NUP93: variants seen among roughly 807,000 people sequenced by gnomAD.
The protein encoded by NUP93 is nucleoporin 93.
A neutral mutation model predicts 107.8 loss-of-function variants in NUP93; 55 were observed. The ratio of observed to expected loss-of-function variants is 0.51; its 90% CI spans 0.41 to 0.64. The LOEUF (loss-of-function observed/expected upper bound fraction) is 0.64, where lower values mean the gene tolerates loss of function less well. NUP93 is among the 30% of genes least tolerant of loss of function. The pLI, the probability that NUP93 is intolerant of heterozygous loss-of-function variation, is 0.00. For missense variants in NUP93, 937 were observed against 1,044.7 expected (o/e 0.90, Z 1.42); for synonymous variants, 390 against 397.5 (o/e 0.98, Z 0.22).
At chr16:56,738,164 A>G (rs1961642320) in intron 1 of NUP93, among the ~76,000 whole-genome samples, 1 of 152,220 alleles carries the variant, frequency 6.6e-6, no homozygotes. Flanking sequence ...GCAGGCCCTT[A>G]GAGATCACCT....
At chr16:56,770,266 C>T (rs1457738033) in intron 3 of NUP93, among the ~76,000 whole-genome samples, 5 of 152,196 alleles carry the variant, frequency 3.3e-5, no homozygotes, top group African/African-American at 7.2e-5. Context: ...TAGAATCTAG[C>T]TGAAGGGCTG....
At chr16:56,748,802 A>G (rs769740322) in intron 2 of NUP93, among the ~76,000 whole-genome samples, 4 of 152,184 alleles carry the variant, frequency 2.6e-5, no homozygotes, top group Non-Finnish European at 5.9e-5. Flanking sequence ...TTTTACCTTC[A>G]AAGCTAGAGA....
rs978052169 is a variant in NUP93, at chr16:56,812,641, C to G, written c.490-6023C>G. 2.0e-5 allele frequency among the ~76,000 whole-genome samples: 3 copies of G among 152,034 alleles called. No homozygotes were observed. In the East Asian group the frequency reaches 5.8e-4, roughly 29 times the overall value. On this transcript the variant is annotated intron_variant, in intron 5 of 21. Coordinates refer to ENST00000308159, the MANE Select transcript of NUP93 (RefSeq NM_014669.5). ...TACAGGTGTGAGCCACTGTGTCCGC[C>G]CCCCTAGCAAGTTTTAATAAAGGAA... is the stretch of plus-strand genomic sequence containing the variant.
intron 9 of NUP93, among the ~76,000 whole-genome samples, chr16:56,830,037 C>A (rs1486670360): frequency 6.6e-6 from 1 of 152,130 alleles, no homozygotes; most frequent in Admixed American, 6.5e-5. Flanking sequence ...CTCTCAGATC[C>A]CCAGTGCCCA....
At chr16:56,794,090 G>GTAGATAGATAGATAGA (rs369592998) in intron 3 of NUP93, among the ~76,000 whole-genome samples, 2 of 75,992 alleles carry the variant, frequency 2.6e-5, no homozygotes, top group Admixed American at 2.8e-4. Flanking sequence ...AGGTAGGTAG[G>GTAGATAGATAGATAGA]TAGATAGATA....
chr16:56,740,665 CA>C, intron 1 of NUP93: 1 of 211,688 alleles, frequency 4.7e-6, no homozygotes, highest in South Asian at 5.3e-5. Flanking sequence ...TTTGGGAGGC[CA>C]AGGCAGGCGG....
chr16:56,798,629 A>G (rs1202671732), intron 4 of NUP93, 91 bp downstream of exon 4: 23 of 1,005,984 alleles, frequency 2.3e-5, no homozygotes, highest in Non-Finnish European at 3.1e-5. Flanking sequence ...ACACTTTGGG[A>G]GGCTGATGCA....
chr16:56,748,527 G>C (rs1270397554), intron 2 of NUP93, 101 bp downstream of exon 2: 1 of 979,726 alleles, frequency 1.0e-6, no homozygotes, highest in Non-Finnish European at 1.5e-6. Flanking sequence ...GTGAATGACA[G>C]CCACTAGCCA....
chr16:56,781,890 A>G lies in NUP93; in HGVS notation c.298-16586A>G, dbSNP rs1271665382. 3.0e-5 allele frequency: 30 copies of G among 985,418 alleles called. 1 individual carries two copies. In the South Asian group the frequency reaches 1.1e-3, roughly 37 times the overall value. The allele number at this position is 985,418 out of a possible 1,614,324, so 61.0% of individuals were successfully genotyped here. ...TGACTTCTCTGAATTTGTGTAGCGC[A>G]CAACGAATGGTGATGCTGTGCTCCG... On this transcript the variant is annotated intron_variant, in intron 3 of 21. Transcript: ENST00000308159.
chr16:56,759,928 G>A (rs1384312601), intron 3 of NUP93, among the ~76,000 whole-genome samples: 1 of 152,072 alleles, frequency 6.6e-6, no homozygotes, highest in Non-Finnish European at 1.5e-5. Context: ...CTTGGAGTAG[G>A]TATTTGGAAT....
intron 8 of NUP93, among the ~76,000 whole-genome samples, chr16:56,827,069 A>AAAAAAAAAAAAAAAAAAAAAAAAAAT (rs1430722800): frequency 1.0e-4 from 13 of 125,702 alleles, no homozygotes; most frequent in Middle Eastern, 4.1e-3. Context: ...AAAAAAAAAA[A>AAAAAAAAAAAAAAAAAAAAAAAAAAT]TTTTGTTGAG....
intron 3 of NUP93, among the ~76,000 whole-genome samples, chr16:56,787,301 G>A (rs1190241292): frequency 6.6e-6 from 1 of 152,230 alleles, no homozygotes; most frequent in Non-Finnish European, 1.5e-5. Context: ...ATCAGCATAA[G>A]CATTGCTGCA....
At chr16:56,763,523 GGTGTGT>G (rs767710439) in intron 3 of NUP93, among the ~76,000 whole-genome samples, 18 of 124,486 alleles carry the variant, frequency 1.4e-4, no homozygotes, top group African/African-American at 4.7e-4. Context: ...TGTATGTGTG[GGTGTGT>G]GTGTGTGTGT....
intron 5 of NUP93, among the ~76,000 whole-genome samples, chr16:56,811,335 G>A (rs1262455889): frequency 6.6e-6 from 1 of 151,948 alleles, no homozygotes. Context: ...GTTTTTATAG[G>A]CCTTTTCCAT....
At chr16:56,784,715 A>G (rs1166260986) in intron 3 of NUP93, among the ~76,000 whole-genome samples, 2 of 152,238 alleles carry the variant, frequency 1.3e-5, no homozygotes, top group South Asian at 2.1e-4. Context: ...TTTGCTCAAC[A>G]TGCTTTATTA....
chr16:56,786,871 G>GT (rs1244213613), intron 3 of NUP93, among the ~76,000 whole-genome samples: 1 of 152,200 alleles, frequency 6.6e-6, no homozygotes, highest in African/African-American at 2.4e-5. Context: ...TAGGTGAAAG[G>GT]TTTTAGCTCG....
chr16:56,822,172 G>C (rs773674620), intron 7 of NUP93, among the ~76,000 whole-genome samples: 29 of 151,240 alleles, frequency 1.9e-4, no homozygotes, highest in Non-Finnish European at 4.0e-4. Flanking sequence ...GGGAGGGAAG[G>C]CTATTATGGA....
intron 3 of NUP93, among the ~76,000 whole-genome samples, chr16:56,778,524 T>G (rs899905282): frequency 1.4e-4 from 22 of 152,092 alleles, no homozygotes; most frequent in African/African-American, 5.3e-4. Flanking sequence ...TAATACAGCT[T>G]TGAGGTGACA....
In NUP93 at chr16:56,748,384, G is replaced by A. The variant is rs760107958; in HGVS notation, c.137G>A (p.Arg46His). 17 of 1,613,772 alleles carry A rather than the reference G, an allele frequency of 1.1e-5. No homozygotes were observed. The highest frequency in any genetic ancestry group is 4.0e-5 in the African/African-American group (3 of 74,888). ...IQQAGERLRS[R>H]TLTRTSQETA... is the part of the protein sequence containing the mutation. The stretch of plus-strand genomic sequence containing the variant: ...CAGGCGGGAGAGCGCCTGCGTTCCC[G>A]TACCCTAACACGCACGTCCCAGGAG... The change falls in exon 2 of 22, where the codon CGT (arginine) becomes CAT (histidine). Residue 46 changes from arginine to histidine, a missense_variant. Physicochemically the swap from Arg to His is conservative, Grantham distance 29. Transcript: ENST00000308159.
Sources: gnomAD v4.1 joint callset for allele counts (sites outside exome capture counted in the v4.1 genomes callset) on GRCh38, gnomAD v4.1.1 for gene constraint, MANE v1.5 for transcripts, NCBI Gene and HGNC (gene_info 2026-07-23, HGNC 2026-07-21) for gene names.